SLIT2: variants seen among roughly 807,000 people sequenced by gnomAD.
SLIT2 encodes the protein slit homolog 2 protein.
SLIT2 carries 41 observed loss-of-function variants against 185.7 expected under a neutral mutation model. The observed-to-expected ratio is 0.22, with a 90% confidence interval of 0.17 to 0.29. The LOEUF is 0.29. SLIT2 is among the 10% of genes least tolerant of loss of function. SLIT2 has a pLI of 1.00. For missense variants in SLIT2, 1,571 were observed against 1,909.0 expected, an observed-to-expected ratio of 0.82 and a Z score of 3.30; for synonymous variants, 693 against 680.2, an observed-to-expected ratio of 1.02 and a Z score of -0.29.
At chr4:20,369,119 ATTCCT>A (rs1723363405) in intron 4 of SLIT2, among the ~76,000 whole-genome samples, 1 of 152,038 alleles carries the variant, frequency 6.6e-6, no homozygotes. Context: ...GTGAGTCCAC[ATTCCT>A]TTCTCTTTCT....
intron 4 of SLIT2, among the ~76,000 whole-genome samples, chr4:20,355,526 T>C (rs1471757168): frequency 6.6e-6 from 1 of 152,200 alleles, no homozygotes; most frequent in Admixed American, 6.5e-5. Flanking sequence ...CAGATGAGAT[T>C]TTTTTAAAAA....
intron 4 of SLIT2, among the ~76,000 whole-genome samples, chr4:20,287,589 A>G (rs140596473): frequency 2.6e-4 from 40 of 152,286 alleles, no homozygotes; most frequent in African/African-American, 9.6e-4. Context: ...TGATAAACTC[A>G]AATGTGTTTT....
intron 4 of SLIT2, among the ~76,000 whole-genome samples, chr4:20,466,813 A>G (rs1443017243): frequency 2.0e-5 from 3 of 152,172 alleles, no homozygotes; most frequent in Non-Finnish European, 4.4e-5. Context: ...AATTTTAAAG[A>G]TAATTTTAAT....
At chr4:20,430,604 A>G (rs572867884) in intron 4 of SLIT2, among the ~76,000 whole-genome samples, 1 of 152,256 alleles carries the variant, frequency 6.6e-6, no homozygotes, top group East Asian at 1.9e-4. Context: ...CTTAACCTTC[A>G]CCACAAGTTA....
At chr4:20,498,174 AAAAT>A (rs1457582174) in intron 9 of SLIT2, among the ~76,000 whole-genome samples, 1 of 152,188 alleles carries the variant, frequency 6.6e-6, no homozygotes. Flanking sequence ...CTCCGTCTCA[AAAAT>A]AAATAAATAA....
intron 4 of SLIT2, among the ~76,000 whole-genome samples, chr4:20,399,845 C>T (rs1280741524): frequency 6.6e-6 from 1 of 151,668 alleles, no homozygotes; most frequent in Non-Finnish European, 1.5e-5. Context: ...TTTTAGCCAC[C>T]TGAGAGGGAT....
At position 20,620,451 on chromosome 4, in the gene SLIT2, TACAA is replaced by T. The variant is rs1729995468; in HGVS notation, c.*1444_*1447del. Reference sequence around the variant, plus strand: ...GTTTCTTCCTGAAAACTTCTTTTTTTACAAAGAAAATTAGATGTACATGTATAAT... The same window carrying T: ...GTTTCTTCCTGAAAACTTCTTTTTTTAGAAAATTAGATGTACATGTATAAT... On this transcript the variant is annotated 3_prime_UTR_variant, in exon 37 of 37. Transcript: ENST00000504154. 1 of 453,806 alleles carries T rather than the reference TACAA, an allele frequency of 2.2e-6. No individual in the cohort carries two copies. The highest frequency in any genetic ancestry group is 1.6e-5 in the South Asian group (1 of 63,762). 28.1% of individuals were successfully genotyped at this position (453,806 alleles called of 1,614,324 possible). A position where few individuals can be genotyped will look rare whatever the true frequency, so the allele number is the denominator to read the frequency against.
chr4:20,348,514 G>A (rs751788280), intron 4 of SLIT2, among the ~76,000 whole-genome samples: 1 of 151,960 alleles, frequency 6.6e-6, no homozygotes, highest in Non-Finnish European at 1.5e-5. Flanking sequence ...CTCCCAAAGC[G>A]CTGGGATTAC....
chr4:20,572,235 C>A (rs1221393903), intron 29 of SLIT2, among the ~76,000 whole-genome samples: 1 of 152,186 alleles, frequency 6.6e-6, no homozygotes, highest in Non-Finnish European at 1.5e-5. Context: ...TCTCCATATA[C>A]TCCAGTTATC....
intron 4 of SLIT2, among the ~76,000 whole-genome samples, chr4:20,306,452 A>G (rs1717555608): frequency 1.3e-5 from 2 of 152,182 alleles, no homozygotes; most frequent in South Asian, 2.1e-4. Flanking sequence ...ATAGCAATTT[A>G]TATTTTAATT....
At chr4:20,605,332 A>G (rs1205178376) in intron 33 of SLIT2, among the ~76,000 whole-genome samples, 1 of 152,236 alleles carries the variant, frequency 6.6e-6, no homozygotes, top group Non-Finnish European at 1.5e-5. Flanking sequence ...AGCAGACCAC[A>G]AACAGTTGGG....
At chr4:20,472,529 TATAG>T (rs1366960161) in intron 5 of SLIT2, among the ~76,000 whole-genome samples, 1 of 28,852 alleles carries the variant, frequency 3.5e-5, no homozygotes, top group Non-Finnish European at 5.5e-5. Context: ...TATATCTATA[TATAG>T]ATATATCTAT....
chr4:20,561,234 A>G (rs1463038975), intron 26 of SLIT2, among the ~76,000 whole-genome samples: 2 of 151,854 alleles, frequency 1.3e-5, no homozygotes, highest in Non-Finnish European at 2.9e-5. Flanking sequence ...TGAAGGATCA[A>G]AGAAACCTGA....
At chr4:20,606,836 A>G (rs1187105530) in intron 33 of SLIT2, among the ~76,000 whole-genome samples, 2 of 152,210 alleles carry the variant, frequency 1.3e-5, no homozygotes, top group African/African-American at 4.8e-5. Flanking sequence ...ATACAAGGTA[A>G]TTTACTATAG....
At chr4:20,262,891 A>C (rs998379851) in intron 3 of SLIT2, among the ~76,000 whole-genome samples, 1 of 151,822 alleles carries the variant, frequency 6.6e-6, no homozygotes, top group Non-Finnish European at 1.5e-5. Context: ...CTTGAAGTTT[A>C]ATGGTGGTGA....
At chr4:20,318,817 T>A (rs1299802509) in intron 4 of SLIT2, among the ~76,000 whole-genome samples, 1 of 152,174 alleles carries the variant, frequency 6.6e-6, no homozygotes, top group East Asian at 1.9e-4. Context: ...ATGACTTATT[T>A]CCGAACTAAC....
At chr4:20,514,652 T>A (rs1014718843) in intron 11 of SLIT2, among the ~76,000 whole-genome samples, 6 of 151,306 alleles carry the variant, frequency 4.0e-5, no homozygotes. Context: ...CTCAAAAAAA[T>A]AAATAAATAA....
At chr4:20,531,410 A>G (rs1024107128) in intron 16 of SLIT2, among the ~76,000 whole-genome samples, 4 of 152,300 alleles carry the variant, frequency 2.6e-5, no homozygotes, top group African/African-American at 4.8e-5. Flanking sequence ...AAATGCCCAG[A>G]CTAGGAAAAT....
At chr4:20,393,678 A>G (rs1279210269) in intron 4 of SLIT2, 1 of 152,096 alleles carries the variant, frequency 6.6e-6, no homozygotes, top group Non-Finnish European at 1.5e-5. Flanking sequence ...TGAGCTTTCC[A>G]GACACTATAA....
Sources: gnomAD v4.1 joint callset for allele counts (sites outside exome capture counted in the v4.1 genomes callset) on GRCh38, gnomAD v4.1.1 for gene constraint, MANE v1.5 for transcripts, NCBI Gene and HGNC (gene_info 2026-07-23, HGNC 2026-07-21) for gene names.